Variants in GLI3 observed in about 807,000 individuals in gnomAD.
The protein encoded by GLI3 is GLI family zinc finger 3, also known as transcription activator GLI3.
GLI3 carries 20 observed loss-of-function variants against 100.8 expected under a neutral mutation model. The ratio of observed to expected loss-of-function variants is 0.20; its 90% CI spans 0.14 to 0.29. The LOEUF (loss-of-function observed/expected upper bound fraction) is 0.29, where lower values mean the gene tolerates loss of function less well. GLI3 is among the 10% of genes least tolerant of loss of function. The pLI is 1.00. For synonymous variants in GLI3, 938 were observed against 860.5 expected (o/e 1.09, Z -1.58); for missense variants, 2,040 against 2,128.5 (o/e 0.96, Z 0.82).
intron 2 of GLI3, among the ~76,000 whole-genome samples, chr7:42,167,545 T>C (rs953349811): frequency 7.2e-5 from 11 of 152,248 alleles, no homozygotes; most frequent in African/African-American, 2.7e-4. Flanking sequence ...TAGGTATATA[T>C]ACACTTGAAA....
At chr7:42,037,399 A>G (rs1784035319) in intron 7 of GLI3, among the ~76,000 whole-genome samples, 1 of 152,154 alleles carries the variant, frequency 6.6e-6, no homozygotes, top group South Asian at 2.1e-4. Context: ...GTCAGTTTTT[A>G]GATCTCAGAA....
At chr7:42,076,973 AT>A (rs777942575) in intron 3 of GLI3, 116 bp from the exon 4 acceptor site, 8 of 738,184 alleles carry the variant, frequency 1.1e-5, no homozygotes, top group African/African-American at 1.7e-5. Flanking sequence ...TAATCTAAGA[AT>A]TTGTAAAAGA....
intron 10 of GLI3, among the ~76,000 whole-genome samples, chr7:41,988,895 G>T (rs1325025792): frequency 6.6e-6 from 1 of 152,180 alleles, no homozygotes; most frequent in Non-Finnish European, 1.5e-5. Context: ...CATCCAGTAA[G>T]TTGCCTTTTG....
At chr7:42,045,264 T>A in intron 6 of GLI3, 120 bp downstream of exon 6, 1 of 980,322 alleles carries the variant, frequency 1.0e-6, no homozygotes, top group Admixed American at 1.7e-5. Context: ...TAGTGGTGGT[T>A]CCACTTTCTC....
intron 6 of GLI3, among the ~76,000 whole-genome samples, chr7:42,043,751 G>A (rs758493403): frequency 2.0e-5 from 3 of 152,136 alleles, no homozygotes; most frequent in Non-Finnish European, 2.9e-5. Context: ...GATAAAAACC[G>A]CCACTGCCTG....
intron 10 of GLI3, among the ~76,000 whole-genome samples, chr7:41,995,853 C>CTA (rs1199191234): frequency 6.6e-6 from 1 of 152,194 alleles, no homozygotes; most frequent in Non-Finnish European, 1.5e-5. Flanking sequence ...GATACTCTGA[C>CTA]TATACTTGAT....
intron 12 of GLI3, among the ~76,000 whole-genome samples, chr7:41,975,945 A>G (rs1766125119): frequency 6.6e-6 from 1 of 152,220 alleles, no homozygotes; most frequent in African/African-American, 2.4e-5. Flanking sequence ...AAATTGAAAT[A>G]TAATTCACAT....
At chr7:41,999,220 A>G (rs1788219041) in intron 10 of GLI3, among the ~76,000 whole-genome samples, 1 of 152,202 alleles carries the variant, frequency 6.6e-6, no homozygotes, top group South Asian at 2.1e-4. Context: ...ACATGGGGGA[A>G]AAATGAAAGT....
At chr7:42,055,680 C>T (rs1255425086) in intron 4 of GLI3, among the ~76,000 whole-genome samples, 1 of 152,164 alleles carries the variant, frequency 6.6e-6, no homozygotes, top group African/African-American at 2.4e-5. Flanking sequence ...AGCCCCCAGG[C>T]CCCTAGTTGA....
chr7:42,199,281 T>A (rs73688672), intron 2 of GLI3, among the ~76,000 whole-genome samples: 3,247 of 152,244 alleles, frequency 0.021, 115 homozygotes, highest in African/African-American at 0.074. Context: ...CAGATGAAAA[T>A]TTTCCATTGT....
chr7:42,087,966 A>G (rs1476379434), intron 3 of GLI3, among the ~76,000 whole-genome samples: 1 of 152,220 alleles, frequency 6.6e-6, no homozygotes, highest in Non-Finnish European at 1.5e-5. Flanking sequence ...CTGTAAAACA[A>G]TAAAGCACAC....
chr7:42,158,915 A>T (rs571636883), intron 2 of GLI3, among the ~76,000 whole-genome samples: 4 of 152,216 alleles, frequency 2.6e-5, no homozygotes, highest in Non-Finnish European at 5.9e-5. Context: ...CATGAATGAA[A>T]CATGGTTCAG....
At chr7:42,158,580 C>T (rs1284089625) in intron 2 of GLI3, among the ~76,000 whole-genome samples, 7 of 151,868 alleles carry the variant, frequency 4.6e-5, no homozygotes, top group Non-Finnish European at 1.0e-4. Context: ...ACCTCTGCCT[C>T]CCAGGTTCAA....
At chr7:42,243,387 G>A (rs1415232350) in intron 1 of GLI3, among the ~76,000 whole-genome samples, 1 of 152,172 alleles carries the variant, frequency 6.6e-6, no homozygotes, top group African/African-American at 2.4e-5. Context: ...TTTGTCCATT[G>A]TGTGTAGCAT....
chr7:42,208,426 G>A (rs1205492035), intron 2 of GLI3, among the ~76,000 whole-genome samples: 1 of 152,162 alleles, frequency 6.6e-6, no homozygotes, highest in Non-Finnish European at 1.5e-5. Flanking sequence ...AAGTGTCCCT[G>A]TGAAAGTTTA....
intron 4 of GLI3, among the ~76,000 whole-genome samples, chr7:42,067,327 G>A (rs1246663538): frequency 6.6e-6 from 1 of 152,150 alleles, no homozygotes; most frequent in Non-Finnish European, 1.5e-5. Context: ...ACTTTGAACA[G>A]AGGCAAGAAG....
At chr7:42,057,152 A>G (rs1784479896) in intron 4 of GLI3, among the ~76,000 whole-genome samples, 1 of 152,220 alleles carries the variant, frequency 6.6e-6, no homozygotes. Flanking sequence ...GGCATTATGC[A>G]CTTCTTACAT....
chr7:42,262,004 T>C (rs1789146587), intron 1 of GLI3, among the ~76,000 whole-genome samples: 1 of 142,906 alleles, frequency 7.0e-6, no homozygotes, highest in South Asian at 2.3e-4. Flanking sequence ...TTCTTTCTTT[T>C]CTTTCTTTCC....
At chr7:42,215,563 T>G (rs990743259) in intron 2 of GLI3, among the ~76,000 whole-genome samples, 1 of 152,136 alleles carries the variant, frequency 6.6e-6, no homozygotes, top group African/African-American at 2.4e-5. Flanking sequence ...TTCTGGAAAT[T>G]TGAAATGTTC....
Sources: gnomAD v4.1 joint callset for allele counts (sites outside exome capture counted in the v4.1 genomes callset) on GRCh38, gnomAD v4.1.1 for gene constraint, MANE v1.5 for transcripts, NCBI Gene and HGNC (gene_info 2026-07-23, HGNC 2026-07-21) for gene names.